Variants in GATA4 observed in about 807,000 individuals in gnomAD.
GATA4 encodes GATA binding protein 4.
Under a neutral mutation model 37.9 loss-of-function variants are expected in GATA4, and 7 were observed. The observed-to-expected ratio is 0.18, with a 90% CI of 0.11 to 0.35. The LOEUF (loss-of-function observed/expected upper bound fraction) is 0.35. Ranked by LOEUF, GATA4 falls within the 10% of genes least tolerant of loss-of-function variation. The pLI, the probability that GATA4 is intolerant of heterozygous loss-of-function variation, is 1.00. For missense variants in GATA4, 647 were observed against 653.0 expected (o/e 0.99, Z 0.10); for synonymous variants, 372 against 292.6 (o/e 1.27, Z -2.77).
chr8:11,695,805 C>T (rs11786824), intron 1 of GATA4, among the ~76,000 whole-genome samples: 8,107 of 152,240 alleles, frequency 0.053, 322 homozygotes, highest in South Asian at 0.12. Flanking sequence ...ATGAGTGCAC[C>T]GGCGCTCGTA....
upstream of GATA4, among the ~76,000 whole-genome samples, chr8:11,690,266 T>A (rs907780138): frequency 6.6e-6 from 1 of 152,222 alleles, no homozygotes; most frequent in African/African-American, 2.4e-5. Context: ...TGATACCACA[T>A]CTTCAGTCAT....
At chr8:11,683,109 G>A (rs1387133845) in intron 1 of GATA4, 1 of 985,324 alleles carries the variant, frequency 1.0e-6, no homozygotes, top group African/African-American at 1.7e-5. Flanking sequence ...GCCTTGGAAA[G>A]CTCTTGGTGT....
rs1585563265 is a variant in GATA4, at chr8:11,692,661, G to A, written c.-729+1G>A. 1 of 985,188 alleles carries A rather than the reference G, an allele frequency of 1.0e-6. No homozygotes were observed. The highest frequency in any genetic ancestry group is 1.7e-5 in the African/African-American group (1 of 57,328). The allele number at this position is 985,188 out of a possible 1,614,324, so 61.0% of individuals were successfully genotyped here. A position where few individuals can be genotyped will look rare whatever the true frequency, so the allele number is the denominator to read the frequency against. On this transcript the variant is annotated splice_donor_variant, in intron 1 of 2. Transcript: ENST00000526974. LOFTEE classifies it low-confidence loss of function (5UTR_SPLICE). ...GCGCCTCAGCCGACCTCCACCGCGG[G>A]TGCGTGCGGGGGTGCGGGGGTGAGG...
In GATA4 at chr8:11,708,575, G is replaced by T. The variant is rs980402710; in HGVS notation, c.263G>T (p.Gly88Val). Reference sequence around the variant, plus strand: ...CCCGGGACCCAGCAGGGCAGCCCGGGATGGAGCCAGGCGGGAGCCGACGGA... The same window carrying T: ...CCCGGGACCCAGCAGGGCAGCCCGGTATGGAGCCAGGCGGGAGCCGACGGA... ...AGPGTQQGSP[G>V]WSQAGADGAA... The change falls in exon 2 of 7, where the codon GGA becomes GTA. Residue 88 changes from glycine to valine, a missense_variant. This residue lies in a region of GATA4 where 379 missense variants were observed against 334.5 expected (regional missense o/e 1.13). Coordinates refer to ENST00000532059, the MANE Select transcript of GATA4 (RefSeq NM_001308093.3). The surrounding 1 kb of genome is among the most constrained non-coding windows in gnomAD (Gnocchi z 6.7). 1.3e-5 allele frequency: 18 copies of T among 1,370,352 alleles called. No individual in the cohort carries two copies. Among genetic ancestry groups the T allele is most frequent in the Non-Finnish European group, 1.6e-5 (17 of 1,067,640 alleles). 84.9% of individuals were successfully genotyped at this position (1,370,352 alleles called of 1,614,324 possible).
At chr8:11,705,499 T>C (rs1166535107) in intron 1 of GATA4, among the ~76,000 whole-genome samples, 1 of 152,080 alleles carries the variant, frequency 6.6e-6, no homozygotes, top group Non-Finnish European at 1.5e-5. Flanking sequence ...TATTGGTTGA[T>C]TCTTGAAAGG....
At chr8:11,739,712 A>C in intron 2 of GATA4, among the ~76,000 whole-genome samples, 1 of 135,232 alleles carries the variant, frequency 7.4e-6, no homozygotes, top group East Asian at 3.7e-4. Flanking sequence ...GTTTGTTGAA[A>C]CTCGATGGCT....
intron 3 of GATA4, 85 bp from the exon 4 acceptor site, chr8:11,750,026 G>A (rs1022723316): frequency 4.2e-5 from 67 of 1,600,542 alleles, no homozygotes; most frequent in Non-Finnish European, 4.3e-5. Context: ...CCGTTAGGGA[G>A]GCCCAGCTCC....
intron 1 of GATA4, chr8:11,680,897 C>G (rs950558255): frequency 1.0e-6 from 1 of 985,224 alleles, no homozygotes; most frequent in African/African-American, 1.7e-5. Flanking sequence ...TGTGTGAGAC[C>G]CCTAAAGAGG....
intron 2 of GATA4, among the ~76,000 whole-genome samples, chr8:11,745,972 A>C (rs758957019): frequency 2.6e-5 from 4 of 152,184 alleles, no homozygotes; most frequent in Non-Finnish European, 4.4e-5. Flanking sequence ...AATATGTTTA[A>C]ATTTTTTCAT....
intron 2 of GATA4, among the ~76,000 whole-genome samples, chr8:11,747,889 G>A (rs781188200): frequency 2.0e-5 from 3 of 152,122 alleles, no homozygotes; most frequent in East Asian, 1.9e-4. Context: ...TTAAGCAAAC[G>A]ACCCACACAG....
intron 2 of GATA4, among the ~76,000 whole-genome samples, chr8:11,733,465 A>C (rs1012554267): frequency 6.6e-6 from 1 of 152,274 alleles, no homozygotes; most frequent in South Asian, 2.1e-4. Context: ...TGTGTGTAGC[A>C]GTGAAAAATT....
intron 1 of GATA4, chr8:11,693,049 G>T (rs919545529): frequency 1.0e-5 from 10 of 985,308 alleles, no homozygotes; most frequent in South Asian, 4.7e-5. Context: ...CCTCTGCGTG[G>T]AGTGGGCCGG....
At chr8:11,752,349 T>C (rs1802345318) in intron 4 of GATA4, among the ~76,000 whole-genome samples, 1 of 152,162 alleles carries the variant, frequency 6.6e-6, no homozygotes. Context: ...CTTAATGGAC[T>C]CACAGTTCCA....
At chr8:11,722,939 G>A (rs1316912520) in intron 2 of GATA4, among the ~76,000 whole-genome samples, 1 of 152,198 alleles carries the variant, frequency 6.6e-6, no homozygotes, top group Non-Finnish European at 1.5e-5. Flanking sequence ...GGAAAGGCAG[G>A]ATACATGCCT....
upstream of GATA4, among the ~76,000 whole-genome samples, chr8:11,703,621 C>G (rs1799763558): frequency 6.6e-6 from 1 of 152,226 alleles, no homozygotes; most frequent in Middle Eastern, 3.2e-3. Flanking sequence ...GGCCTGGGCT[C>G]CCGACCATCT....
intron 6 of GATA4, 103 bp downstream of exon 6, chr8:11,757,186 A>T: frequency 6.6e-7 from 1 of 1,504,134 alleles, no homozygotes. Context: ...CAGGCCTCAC[A>T]GGTGCAAGCA....
chr8:11,692,470 G>A (rs1012849441), upstream of GATA4: 8 of 951,752 alleles, frequency 8.4e-6, no homozygotes, highest in South Asian at 2.4e-4. Context: ...AATATTGACC[G>A]GTGTCCTGAA....
upstream of GATA4, among the ~76,000 whole-genome samples, chr8:11,701,981 G>C (rs923704083): frequency 6.6e-6 from 1 of 152,144 alleles, no homozygotes; most frequent in Non-Finnish European, 1.5e-5. Context: ...TGTGGCAGCG[G>C]CCATCCACAG....
chr8:11,732,716 G>A (rs951580745), intron 2 of GATA4, among the ~76,000 whole-genome samples: 1 of 152,192 alleles, frequency 6.6e-6, no homozygotes, highest in Non-Finnish European at 1.5e-5. Context: ...GACTTCCTGC[G>A]AAGGCTAGCA....
Sources: gnomAD v4.1 joint callset for allele counts (sites outside exome capture counted in the v4.1 genomes callset) on GRCh38, gnomAD v4.1.1 for gene constraint, gnomAD v4.1.1 regional missense constraint, Gnocchi (gnomAD v3.1) non-coding constraint, MANE v1.5 for transcripts, NCBI Gene and HGNC (gene_info 2026-07-23, HGNC 2026-07-21) for gene names.